The following PTPRR variants were observed in gnomAD, a reference collection of about 807,000 sequenced individuals.
PTPRR encodes the protein receptor-type tyrosine-protein phosphatase R.
Under a neutral mutation model 77.2 loss-of-function variants are expected in PTPRR, and 38 were observed. The observed-to-expected ratio is 0.49, with a 90% CI of 0.38 to 0.65. PTPRR has a LOEUF of 0.65. Among genes scored for constraint, PTPRR ranks in the 30% least tolerant of loss-of-function variants. The pLI, the probability that PTPRR is intolerant of heterozygous loss-of-function variation, is 0.00. For synonymous variants in PTPRR, 299 were observed against 283.1 expected (o/e 1.06, Z -0.57); for missense variants, 744 against 799.2 (o/e 0.93, Z 0.83).
At position 70,819,863 on chromosome 12, in the gene PTPRR, T is replaced by C. The variant is rs567703080; in HGVS notation, c.358-55085A>G. On this transcript the variant is annotated intron_variant, in intron 2 of 13. Coordinates refer to ENST00000283228, the MANE Select transcript of PTPRR (RefSeq NM_002849.4). ...ACACTTTCTACATCATAGAATAATGTAAAGATATTTTCTGTGTTCAGTCTA... is the reference window on the plus strand; with the variant it reads ...ACACTTTCTACATCATAGAATAATGCAAAGATATTTTCTGTGTTCAGTCTA... 2.0e-5 allele frequency among the ~76,000 whole-genome samples: 3 copies of C among 152,200 alleles called. No individual in the cohort carries two copies. In the South Asian group the frequency reaches 6.2e-4, roughly 32 times the overall value.
chr12:70,648,692 G>C (rs1234637909), intron 13 of PTPRR, among the ~76,000 whole-genome samples: 1 of 152,096 alleles, frequency 6.6e-6, no homozygotes, highest in African/African-American at 2.4e-5. Context: ...TTGACATCTA[G>C]TCCAGAGATG....
At chr12:70,669,559 T>TACACAC (rs566522694) in intron 10 of PTPRR, among the ~76,000 whole-genome samples, 17,953 of 141,646 alleles carry the variant, frequency 0.13, 1,543 homozygotes, top group African/African-American at 0.22. Flanking sequence ...ATATATGTTA[T>TACACAC]ACACACACAC....
chr12:70,684,581 A>G, intron 9 of PTPRR, 123 bp downstream of exon 9: 1 of 742,524 alleles, frequency 1.3e-6, no homozygotes, highest in South Asian at 1.9e-5. Flanking sequence ...AAAAAACCAA[A>G]CAAAATGAAA....
chr12:70,696,684 C>T (rs1888244685), intron 8 of PTPRR, among the ~76,000 whole-genome samples: 1 of 152,174 alleles, frequency 6.6e-6, no homozygotes, highest in South Asian at 2.1e-4. Flanking sequence ...TAAATTTTCA[C>T]AGAGCTGTGC....
chr12:70,685,190 A>C (rs1466217484), intron 8 of PTPRR, among the ~76,000 whole-genome samples: 1 of 152,084 alleles, frequency 6.6e-6, no homozygotes, highest in Non-Finnish European at 1.5e-5. Flanking sequence ...ATCTCATCTC[A>C]TTTAGACCCT....
At chr12:70,821,213 C>CTTTTTTTTTTTTTTTTTT (rs61539990) in intron 2 of PTPRR, among the ~76,000 whole-genome samples, 340 of 31,984 alleles carry the variant, frequency 0.011, 88 homozygotes, top group Non-Finnish European at 0.014. Context: ...GGGATCACTG[C>CTTTTTTTTTTTTTTTTTT]TTTTTTTTTT....
intron 2 of PTPRR, among the ~76,000 whole-genome samples, chr12:70,770,778 G>T (rs1288330274): frequency 6.6e-6 from 1 of 152,054 alleles, no homozygotes; most frequent in East Asian, 1.9e-4. Context: ...TGATAGACTG[G>T]ATTAAGAAAA....
rs17108838 is a variant in PTPRR, at chr12:70,818,855, A to G, written c.358-54077T>C. 1.6e-3 allele frequency among the ~76,000 whole-genome samples: 239 copies of G among 152,306 alleles called. 4 individuals carry two copies. In the East Asian group the frequency reaches 0.035, roughly 22 times the overall value. ...AAAAAAAAATCATGGTAAGCCAAAG[A>G]TCAATTTTAGATTTTTTGTCTTTTC... On this transcript the variant is annotated intron_variant, in intron 2 of 13. Transcript: ENST00000283228.
chr12:70,913,700 C>A (rs1893733941), intron 1 of PTPRR, among the ~76,000 whole-genome samples: 1 of 152,094 alleles, frequency 6.6e-6, no homozygotes, highest in African/African-American at 2.4e-5. Context: ...AGAAAATTTT[C>A]TGTCCCATCT....
chr12:70,647,709 A>G (rs1886250851), intron 13 of PTPRR, among the ~76,000 whole-genome samples: 1 of 152,354 alleles, frequency 6.6e-6, no homozygotes, highest in East Asian at 1.9e-4. Context: ...TAAGTAATAA[A>G]AAATGATTAT....
At chr12:70,840,817 G>A (rs1275024182) in intron 2 of PTPRR, among the ~76,000 whole-genome samples, 1 of 152,016 alleles carries the variant, frequency 6.6e-6, no homozygotes, top group Non-Finnish European at 1.5e-5. Context: ...TTGCAAGGAG[G>A]TAAGATAAAG....
chr12:70,902,865 T>C (rs1893562041), intron 1 of PTPRR, among the ~76,000 whole-genome samples: 1 of 151,742 alleles, frequency 6.6e-6, no homozygotes, highest in Non-Finnish European at 1.5e-5. Flanking sequence ...AAACACCCCC[T>C]GTACCCCCAA....
chr12:70,695,420 G>T (rs1888197410), intron 8 of PTPRR, among the ~76,000 whole-genome samples: 1 of 151,938 alleles, frequency 6.6e-6, no homozygotes, highest in Non-Finnish European at 1.5e-5. Context: ...ATTATATTTT[G>T]TGCAACAGAG....
At chr12:70,853,661 G>A (rs1892607280) in intron 2 of PTPRR, among the ~76,000 whole-genome samples, 1 of 152,082 alleles carries the variant, frequency 6.6e-6, no homozygotes, top group Non-Finnish European at 1.5e-5. Context: ...GGGTCCTATT[G>A]TGCCTATCCC....
chr12:70,833,437 T>G (rs1163100752), intron 2 of PTPRR, among the ~76,000 whole-genome samples: 2 of 152,088 alleles, frequency 1.3e-5, no homozygotes, highest in East Asian at 3.9e-4. Flanking sequence ...GACAGCCAGG[T>G]GGGCTGGAGA....
At chr12:70,771,065 C>G (rs1890962547) in intron 2 of PTPRR, among the ~76,000 whole-genome samples, 1 of 150,868 alleles carries the variant, frequency 6.6e-6, no homozygotes, top group Non-Finnish European at 1.5e-5. Context: ...AATGACGAGT[C>G]AACGGGTGCA....
intron 2 of PTPRR, among the ~76,000 whole-genome samples, chr12:70,887,095 T>C (rs1049513738): frequency 6.6e-6 from 1 of 152,216 alleles, no homozygotes; most frequent in Non-Finnish European, 1.5e-5. Flanking sequence ...TATTTTCTTT[T>C]TGGTTTTACA....
At chr12:70,697,729 T>C (rs932365108) in intron 8 of PTPRR, among the ~76,000 whole-genome samples, 1 of 151,660 alleles carries the variant, frequency 6.6e-6, no homozygotes, top group Non-Finnish European at 1.5e-5. Flanking sequence ...TCAATTTTTG[T>C]CTTCAACTTC....
chr12:70,832,227 T>C (rs1442361944), intron 2 of PTPRR, among the ~76,000 whole-genome samples: 1 of 152,174 alleles, frequency 6.6e-6, no homozygotes, highest in Admixed American at 6.5e-5. Context: ...TTAAATACCT[T>C]TGGTGGCTAG....
Sources: allele counts gnomAD v4.1 joint callset (sites outside exome capture counted in the v4.1 genomes callset), GRCh38; gene constraint gnomAD v4.1.1; transcripts MANE v1.5; gene names NCBI Gene and HGNC (gene_info 2026-07-23, HGNC 2026-07-21).